Variants in CSMD3 observed in about 807,000 individuals in gnomAD.
The protein encoded by CSMD3 is CUB and Sushi multiple domains 3, also known as CUB and sushi domain-containing protein 3.
Under a neutral mutation model 435.2 loss-of-function variants are expected in CSMD3, and 177 were observed. The ratio of observed to expected loss-of-function variants is 0.41; its 90% CI spans 0.36 to 0.46. The LOEUF is 0.46. CSMD3 is among the 20% of genes least tolerant of loss of function. The pLI, the probability that CSMD3 is intolerant of heterozygous loss-of-function variation, is 0.34. For missense variants in CSMD3, 4,265 were observed against 4,504.6 expected (o/e 0.95, Z 1.52); for synonymous variants, 1,656 against 1,520.5 (o/e 1.09, Z -2.07).
At position 113,284,579 on chromosome 8, in the gene CSMD3, A is replaced by G. The variant is rs146040162; in HGVS notation, c.402-5875T>C. On this transcript the variant is annotated intron_variant, in intron 2 of 70. Transcript: ENST00000297405. The stretch of plus-strand genomic sequence containing the variant: ...TTTCTAGGAACAACAATATAGTTCG[A>G]AAACTTATTTTAAGGTAAAGCTAAT... Among the ~76,000 whole-genome samples, 1,175 of 152,272 alleles carry G rather than the reference A, an allele frequency of 7.7e-3. 14 individuals carry two copies. Among genetic ancestry groups the G allele is most frequent in the African/African-American group, 0.027 (1,117 of 41,556 alleles).
At position 112,947,853 on chromosome 8, in the gene CSMD3, G is replaced by A; in HGVS notation, c.1445C>T (p.Ala482Val). 6.5e-7 allele frequency: 1 copy of A among 1,537,620 alleles called. No homozygotes were observed. The highest frequency in any genetic ancestry group is 9.0e-7 in the Non-Finnish European group (1 of 1,112,492). Residue 482 changes from alanine to valine, a missense_variant, in exon 9 of 71, where the codon GCT becomes GTT. By Grantham distance (64) the Ala-to-Val change is moderately conservative. Coordinates refer to ENST00000297405, the MANE Select transcript of CSMD3 (RefSeq NM_198123.2). ...SILNEGGIKTASNLCPDPGEP... is the reference protein window; with the variant it reads ...SILNEGGIKTVSNLCPDPGEP... ...TCCTGGATCTGGGCATAAATTGGAA[G>A]CTGTTTTAATACCTCCCTCATTTAC...
intron 3 of CSMD3, among the ~76,000 whole-genome samples, chr8:113,188,460 C>T (rs117991719): frequency 0.016 from 2,468 of 152,068 alleles, 142 homozygotes; most frequent in Admixed American, 0.1. Context: ...TAATTGAATT[C>T]TGGATTGAAG....
intron 32 of CSMD3, among the ~76,000 whole-genome samples, chr8:112,417,614 G>A (rs940595630): frequency 1.3e-5 from 2 of 152,110 alleles, no homozygotes; most frequent in African/African-American, 2.4e-5. Flanking sequence ...GAGTACTCCA[G>A]CTATTTTAAT....
intron 1 of CSMD3, among the ~76,000 whole-genome samples, chr8:113,318,513 T>G (rs1183442952): frequency 6.6e-6 from 1 of 152,116 alleles, no homozygotes; most frequent in Non-Finnish European, 1.5e-5. Context: ...ATGTTGTACA[T>G]CAGGCCTCTA....
intron 1 of CSMD3, among the ~76,000 whole-genome samples, chr8:113,413,639 G>T (rs1473017701): frequency 6.6e-6 from 1 of 152,118 alleles, no homozygotes; most frequent in Non-Finnish European, 1.5e-5. Context: ...ACAAAAGAAG[G>T]CAAAGAGTAA....
intron 34 of CSMD3, among the ~76,000 whole-genome samples, chr8:112,407,977 C>T (rs1469849415): frequency 6.6e-6 from 1 of 151,696 alleles, no homozygotes; most frequent in Non-Finnish European, 1.5e-5. Flanking sequence ...TCTTTAATTT[C>T]GAGTGCTAAA....
At chr8:112,342,314 C>T (rs184170990) in intron 41 of CSMD3, among the ~76,000 whole-genome samples, 31 of 151,996 alleles carry the variant, frequency 2.0e-4, no homozygotes, top group Admixed American at 3.9e-4. Context: ...TCTTTATAAG[C>T]ATAACTAAAA....
At chr8:112,422,727 T>C (rs1467076599) in intron 32 of CSMD3, among the ~76,000 whole-genome samples, 1 of 152,226 alleles carries the variant, frequency 6.6e-6, no homozygotes, top group Admixed American at 6.5e-5. Flanking sequence ...CCATATTCTG[T>C]GGCATTTCTA....
chr8:112,508,888 C>A (rs1822808578), intron 28 of CSMD3, among the ~76,000 whole-genome samples: 1 of 151,926 alleles, frequency 6.6e-6, no homozygotes, highest in Non-Finnish European at 1.5e-5. Context: ...ACCTATGGGA[C>A]AGATTAAGAT....
intron 13 of CSMD3, among the ~76,000 whole-genome samples, chr8:112,727,735 T>A (rs1349858721): frequency 6.6e-6 from 1 of 151,848 alleles, no homozygotes; most frequent in African/African-American, 2.4e-5. Context: ...ATTGATCTAT[T>A]TTATGTTACT....
intron 6 of CSMD3, among the ~76,000 whole-genome samples, chr8:113,013,866 C>T (rs1174058515): frequency 6.6e-6 from 1 of 152,076 alleles, no homozygotes; most frequent in Admixed American, 6.6e-5. Flanking sequence ...GTATAGTTTG[C>T]AGACAGTGTT....
At chr8:112,772,270 T>G (rs527546066) in intron 13 of CSMD3, among the ~76,000 whole-genome samples, 2 of 152,084 alleles carry the variant, frequency 1.3e-5, no homozygotes, top group Non-Finnish European at 1.5e-5. Flanking sequence ...AGAAAAATTC[T>G]TCTGCCTTGA....
chr8:112,517,273 C>A (rs1439521108), intron 27 of CSMD3, 48 bp from the exon 28 acceptor site: 1 of 1,339,430 alleles, frequency 7.5e-7, no homozygotes, highest in African/African-American at 1.4e-5. Context: ...CTACCAAAAT[C>A]AATTTCATAT....
rs771137135 is a variant in CSMD3, at chr8:112,682,486, A to T, written c.2633T>A (p.Met878Lys). The T allele has an allele frequency of 8.7e-6, 14 of 1,613,204 alleles. No individual in the cohort carries two copies. The highest frequency in any genetic ancestry group is 1.1e-5 in the Non-Finnish European group (13 of 1,179,842). The change falls in exon 16 of 71, where the codon ATG becomes AAG. Residue 878 changes from methionine (M) to lysine (K), a missense_variant. Physicochemically the swap from Met to Lys is moderately conservative, Grantham distance 95. Around this residue, in one of 3 missense-constraint regions of CSMD3, gnomAD observed 279 missense variants for 369.0 expected, o/e 0.76. Coordinates refer to ENST00000297405, the MANE Select transcript of CSMD3 (RefSeq NM_198123.2). ...QGTETITCIL[M>K]DGKVMWSGLI... ...TCCACTCCACATTACTTTTCCATCC[A>T]TAAGAATACATGTAATTGTTTCTGT... is the stretch of plus-strand genomic sequence containing the variant.
At chr8:112,493,859 A>G (rs1274482682) in intron 30 of CSMD3, among the ~76,000 whole-genome samples, 2 of 152,148 alleles carry the variant, frequency 1.3e-5, no homozygotes, top group African/African-American at 4.8e-5. Flanking sequence ...AAAGAAATGT[A>G]CAACGTAAAG....
chr8:112,938,349 T>C (rs1286356636), intron 9 of CSMD3, among the ~76,000 whole-genome samples: 1 of 152,224 alleles, frequency 6.6e-6, no homozygotes, highest in Non-Finnish European at 1.5e-5. Context: ...TCTGACTGTA[T>C]ACCTCGAATT....
chr8:112,803,535 AT>A (rs1225434934), intron 12 of CSMD3, among the ~76,000 whole-genome samples: 5 of 152,200 alleles, frequency 3.3e-5, no homozygotes, highest in Admixed American at 6.5e-5. Context: ...TTGGGGAATA[AT>A]TGGGAACTTG....
At chr8:113,432,507 T>C (rs1172236129) in intron 1 of CSMD3, among the ~76,000 whole-genome samples, 3 of 152,222 alleles carry the variant, frequency 2.0e-5, no homozygotes, top group Non-Finnish European at 4.4e-5. Flanking sequence ...CAGATGGCAC[T>C]ATGCTGTTTA....
chr8:112,476,615 T>C (rs1256432908), intron 31 of CSMD3, among the ~76,000 whole-genome samples: 1 of 152,182 alleles, frequency 6.6e-6, no homozygotes, highest in Non-Finnish European at 1.5e-5. Flanking sequence ...ATAATTTTAA[T>C]GTTTATGTAA....
Sources: allele counts gnomAD v4.1 joint callset (sites outside exome capture counted in the v4.1 genomes callset), GRCh38; gene constraint gnomAD v4.1.1; regional missense constraint gnomAD v4.1.1; transcripts MANE v1.5; gene names NCBI Gene and HGNC (gene_info 2026-07-23, HGNC 2026-07-21).